The following PRRC2B variants were observed in gnomAD, a reference collection of about 807,000 sequenced individuals.
PRRC2B encodes the protein proline rich coiled-coil 2B, also known as protein PRRC2B.
A neutral mutation model predicts 242.3 loss-of-function variants in PRRC2B; 68 were observed. The observed-to-expected ratio is 0.28, with a 90% CI of 0.23 to 0.34. The LOEUF (loss-of-function observed/expected upper bound fraction) is 0.34. Ranked by LOEUF, PRRC2B falls within the 10% of genes least tolerant of loss-of-function variation. PRRC2B has a pLI of 1.00. For synonymous variants in PRRC2B, 1,228 were observed against 1,173.6 expected, an observed-to-expected ratio of 1.05 and a Z score of -0.95; for missense variants, 2,835 against 2,954.8, an observed-to-expected ratio of 0.96 and a Z score of 0.94.
chr9:131,442,159 G>A (rs757238692), intron 5 of PRRC2B, among the ~76,000 whole-genome samples: 2 of 151,486 alleles, frequency 1.3e-5, no homozygotes, highest in Non-Finnish European at 2.9e-5. Context: ...TTTAGGCAGG[G>A]TTTCATTCTG....
chr9:131,377,050 A>G (rs1026239117), intron 1 of PRRC2B, among the ~76,000 whole-genome samples: 1 of 152,172 alleles, frequency 6.6e-6, no homozygotes, highest in Non-Finnish European at 1.5e-5. Context: ...GCACCACTCA[A>G]ATGCTGGGGT....
At chr9:131,451,510 A>T (rs1942918079) in intron 9 of PRRC2B, among the ~76,000 whole-genome samples, 1 of 152,196 alleles carries the variant, frequency 6.6e-6, no homozygotes, top group Non-Finnish European at 1.5e-5. Context: ...TTTCTACATA[A>T]ACCCTTATGT....
Position 131,446,668 on chromosome 9 carries a change from TC to T in PRRC2B, c.855+32del, listed in dbSNP as rs768507590. ...GTAAGTCTTCAGAGTGTACTTTTTTTCCCCCCATGAAGTTGGATTGTGTCCA... is the reference window on the plus strand; with the variant it reads ...GTAAGTCTTCAGAGTGTACTTTTTTTCCCCCATGAAGTTGGATTGTGTCCA... On this transcript the variant is annotated intron_variant, in intron 7 of 31. Coordinates refer to ENST00000683519, the MANE Select transcript of PRRC2B (RefSeq NM_013318.4). This position sits in a 1 kb window ranked among gnomAD's most constrained non-coding sequence, Gnocchi z 4.1. 1.9e-6 allele frequency: 3 copies of T among 1,610,530 alleles called. No homozygotes were observed. Among genetic ancestry groups the T allele is most frequent in the Non-Finnish European group, 2.5e-6 (3 of 1,177,720 alleles).
Position 131,487,353 on chromosome 9 carries a change from G to T in PRRC2B, c.5984+59G>T. 1.4e-6 allele frequency: 2 copies of T among 1,478,874 alleles called. No individual in the cohort carries two copies. The highest frequency in any genetic ancestry group is 1.8e-6 in the Non-Finnish European group (2 of 1,104,896). The allele number at this position is 1,478,874 out of a possible 1,614,324, so 91.6% of individuals were successfully genotyped here. A position where few individuals can be genotyped will look rare whatever the true frequency, so the allele number is the denominator to read the frequency against. On this transcript the variant is annotated intron_variant, in intron 27 of 31. Coordinates refer to ENST00000683519, the MANE Select transcript of PRRC2B (RefSeq NM_013318.4). This position sits in a 1 kb window ranked among gnomAD's most constrained non-coding sequence, Gnocchi z 5.3. ...CTCACAGCCAGGGCCTTGGCCCTGTGTGCAGCCTTCGTCCTGCAGCTGTTT... is the reference window on the plus strand; with the variant it reads ...CTCACAGCCAGGGCCTTGGCCCTGTTTGCAGCCTTCGTCCTGCAGCTGTTT...
intron 6 of PRRC2B, among the ~76,000 whole-genome samples, chr9:131,445,044 G>A (rs1226216347): frequency 1.3e-5 from 2 of 152,126 alleles, no homozygotes; most frequent in African/African-American, 4.8e-5. Flanking sequence ...TATCCCCAAG[G>A]CCTCTCCCAT....
At position 131,475,905 on chromosome 9, in the gene PRRC2B, C is replaced by G. The variant is rs926565941; in HGVS notation, c.3776C>G (p.Ser1259Cys). 1.9e-6 allele frequency: 3 copies of G among 1,613,806 alleles called. No individual in the cohort carries two copies. Among genetic ancestry groups the G allele is most frequent in the Middle Eastern group, 1.6e-4 (1 of 6,084 alleles). Residue 1259 changes from serine (S) to cysteine (C), a missense_variant, in exon 16 of 32, where the codon TCC becomes TGC. By Grantham distance (112) the Ser-to-Cys change is moderately radical (BLOSUM62 -1). Transcript: ENST00000683519. ...RPTDRDYVPD[S>C]YRHPDAFGGR... ...ACAGACAGAGACTATGTCCCAGATT[C>G]CTACAGACACCCTGACGCATTTGGT...
intron 18 of PRRC2B, 106 bp from the exon 19 acceptor site, chr9:131,479,146 G>A (rs762279013): frequency 7.8e-6 from 9 of 1,155,722 alleles, no homozygotes; most frequent in Non-Finnish European, 8.8e-6. Flanking sequence ...CATCTCTGGA[G>A]CATTTTCAGG....
Position 131,464,725 on chromosome 9 carries a change from G to A in PRRC2B, c.1405-38G>A, listed in dbSNP as rs372490920. On this transcript the variant is annotated intron_variant, in intron 11 of 31. Coordinates refer to ENST00000683519, the MANE Select transcript of PRRC2B (RefSeq NM_013318.4). Reference sequence around the variant, plus strand: ...GAGTGGTTCCTGTATCCCGGGTCCCGGACCCACCGCCTTATCTCAGAGACA... The same window carrying A: ...GAGTGGTTCCTGTATCCCGGGTCCCAGACCCACCGCCTTATCTCAGAGACA... The A allele has an allele frequency of 4.4e-5, 68 of 1,530,342 alleles. No individual in the cohort carries two copies. In the Middle Eastern group the frequency reaches 1.2e-3, roughly 26 times the overall value. 94.8% of individuals were successfully genotyped at this position (1,530,342 alleles called of 1,614,324 possible). A position where few individuals can be genotyped will look rare whatever the true frequency, so the allele number is the denominator to read the frequency against.
At chr9:131,421,883 G>A (rs1285608744) in intron 1 of PRRC2B, among the ~76,000 whole-genome samples, 3 of 152,138 alleles carry the variant, frequency 2.0e-5, no homozygotes, top group South Asian at 2.1e-4. Flanking sequence ...CCATTGTGCC[G>A]CCTTTCGTGT....
chr9:131,394,212 CGCCGCCCGACT>C lies in PRRC2B; in HGVS notation c.-99_-89del, dbSNP rs1176462715. ...CCATCCCGCCGCCCCCGTGCCCGAC[CGCCGCCCGACT>C]GCCATCGCCCGGCCCGGCCGCGCCC... On this transcript the variant is annotated 5_prime_UTR_variant, in exon 1 of 32. Transcript: ENST00000683519. The C allele has an allele frequency of 1.3e-5, 2 of 148,410 alleles. No homozygotes were observed. Among genetic ancestry groups the C allele is most frequent in the African/African-American group, 2.4e-5 (1 of 40,848 alleles). The allele number at this position is 148,410 out of a possible 1,614,324, so 9.2% of individuals were successfully genotyped here.
intron 2 of PRRC2B, 79 bp downstream of exon 2, chr9:131,430,338 G>C: frequency 1.2e-6 from 1 of 850,746 alleles, no homozygotes; most frequent in Non-Finnish European, 1.9e-6. Context: ...CCCTCACCTG[G>C]TTAGACAGAT....
chr9:131,476,726 GCTCCCA>G (rs1943713080), intron 16 of PRRC2B, among the ~76,000 whole-genome samples, 191 bp downstream of exon 16: 2 of 151,836 alleles, frequency 1.3e-5, no homozygotes, highest in Admixed American at 1.3e-4. Context: ...TGTGGCTAGA[GCTCCCA>G]CCCCCACCCC....
intron 1 of PRRC2B, among the ~76,000 whole-genome samples, chr9:131,400,143 A>T (rs1296166705): frequency 6.6e-6 from 1 of 151,932 alleles, no homozygotes; most frequent in East Asian, 1.9e-4. Flanking sequence ...GAGTGCAGTG[A>T]TGTGATCTCA....
intron 1 of PRRC2B, among the ~76,000 whole-genome samples, chr9:131,415,084 A>G (rs892108390): frequency 6.6e-6 from 1 of 151,802 alleles, no homozygotes; most frequent in African/African-American, 2.4e-5. Flanking sequence ...CCTCTGCCTC[A>G]CAGGTTTAAG....
intron 16 of PRRC2B, 97 bp downstream of exon 16, chr9:131,476,632 GCTGGGGGCCTGCCCC>G: frequency 3.5e-6 from 4 of 1,151,240 alleles, no homozygotes; most frequent in Non-Finnish European, 4.8e-6. Context: ...GTGTGTCGGG[GCTGGGGGCCTGCCCC>G]CAGGCCGTCT....
Position 131,488,036 on chromosome 9 carries a change from C to T in PRRC2B, c.6165C>T (p.Gly2055=). ...MSGNQALVYE[G]QLSQAAGLGA... ...GGAACCAAGCCCTGGTCTACGAGGG[C>T]CAGCTCAGCCAGGCTGCTGGCCTGG... Residue 2055 remains glycine, a synonymous_variant, in exon 28 of 32, where the codon GGC becomes GGT. Coordinates refer to ENST00000683519, the MANE Select transcript of PRRC2B (RefSeq NM_013318.4). 1.2e-6 allele frequency: 2 copies of T among 1,613,002 alleles called. No homozygotes were observed. The highest frequency in any genetic ancestry group is 1.7e-6 in the Non-Finnish European group (2 of 1,179,524).
At position 131,474,578 on chromosome 9, in the gene PRRC2B, G is replaced by A; in HGVS notation, c.2449G>A (p.Asp817Asn). The change falls in exon 16 of 32, where the codon GAC becomes AAC. Residue 817 changes from aspartate to asparagine, a missense_variant. Asp to Asn is a conservative substitution (Grantham distance 23). This residue lies in a region of PRRC2B where 1,536 missense variants were observed against 1,483.1 expected (regional missense o/e 1.04). Coordinates refer to ENST00000683519, the MANE Select transcript of PRRC2B (RefSeq NM_013318.4). ...AFDKKAQADF[D>N]SCISSQRIGQ... is the part of the protein sequence containing the mutation. Reference sequence around the variant, plus strand: ...TGACAAGAAGGCCCAAGCAGACTTTGACAGCTGTATCTCTTCTCAAAGAAT... The same window carrying A: ...TGACAAGAAGGCCCAAGCAGACTTTAACAGCTGTATCTCTTCTCAAAGAAT... 1 of 1,614,000 alleles carries A rather than the reference G, an allele frequency of 6.2e-7. No homozygotes were observed. Among genetic ancestry groups the A allele is most frequent in the South Asian group, 1.1e-5 (1 of 91,080 alleles).
intron 23 of PRRC2B, among the ~76,000 whole-genome samples, chr9:131,483,662 C>G (rs946783840): frequency 6.6e-6 from 1 of 152,192 alleles, no homozygotes; most frequent in Non-Finnish European, 1.5e-5. Flanking sequence ...TTATTTGGCT[C>G]TCTTTGGTTC....
intron 1 of PRRC2B, among the ~76,000 whole-genome samples, chr9:131,384,024 T>A (rs1329318699): frequency 6.6e-6 from 1 of 151,248 alleles, no homozygotes; most frequent in Non-Finnish European, 1.5e-5. Flanking sequence ...GTTCAGCTGA[T>A]CTTCCCACCT....
Sources: allele counts gnomAD v4.1 joint callset (sites outside exome capture counted in the v4.1 genomes callset), GRCh38; gene constraint gnomAD v4.1.1; regional missense constraint gnomAD v4.1.1; non-coding constraint Gnocchi (gnomAD v3.1); transcripts MANE v1.5; gene names NCBI Gene and HGNC (gene_info 2026-07-23, HGNC 2026-07-21).